Variants in REEP5 observed in about 807,000 individuals in gnomAD.
The protein encoded by REEP5 is receptor expression-enhancing protein 5.
REEP5 carries 24 observed loss-of-function variants against 22.4 expected under a neutral mutation model. The observed-to-expected ratio is 1.07, with a 90% confidence interval of 0.78 to 1.51. The LOEUF (loss-of-function observed/expected upper bound fraction) is 1.51, where lower values mean the gene tolerates loss of function less well. REEP5 is among the 40% of genes most tolerant of loss of function. The pLI is 0.00. For missense variants in REEP5, 252 were observed against 233.0 expected, an observed-to-expected ratio of 1.08 and a Z score of -0.53; for synonymous variants, 103 against 88.6, an observed-to-expected ratio of 1.16 and a Z score of -0.92.
intron 3 of REEP5, chr5:112,894,620 GCA>G: frequency 6.6e-6 from 1 of 152,312 alleles, no homozygotes; most frequent in East Asian, 1.9e-4. Context: ...ATGTATTCCT[GCA>G]CACAGAGCAA....
chr5:112,904,399 T>A (rs1293402813), intron 2 of REEP5, among the ~76,000 whole-genome samples: 1 of 152,174 alleles, frequency 6.6e-6, no homozygotes, highest in East Asian at 1.9e-4. Flanking sequence ...ATTATTAGTA[T>A]AATAAAAATT....
chr5:112,892,926 A>G (rs1234983800), intron 3 of REEP5: 6 of 1,605,156 alleles, frequency 3.7e-6, no homozygotes, highest in Admixed American at 3.4e-5. Context: ...CAAGCAGAGG[A>G]AGAAATAGGC....
Position 112,878,633 on chromosome 5 carries a change from A to T in REEP5, c.*153T>A. 8.9e-7 allele frequency: 1 copy of T among 1,127,236 alleles called. No homozygotes were observed. The highest frequency in any genetic ancestry group is 1.2e-6 in the Non-Finnish European group (1 of 801,846). 69.8% of individuals were successfully genotyped at this position (1,127,236 alleles called of 1,614,324 possible). On this transcript the variant is annotated 3_prime_UTR_variant, in exon 5 of 5. Coordinates refer to ENST00000379638, the MANE Select transcript of REEP5 (RefSeq NM_005669.5). The stretch of plus-strand genomic sequence containing the variant: ...CCCTATATATATAGACAGTAAAAGT[A>T]AGCAAAGAAACTTACAACACATTCC...
chr5:112,902,668 G>C (rs1260885996), intron 2 of REEP5, 150 bp from the exon 3 acceptor site: 8 of 635,272 alleles, frequency 1.3e-5, no homozygotes, highest in Non-Finnish European at 1.8e-5. Context: ...ACAGCTTAAA[G>C]ACTGGAAGCA....
chr5:112,890,057 C>T (rs1272778799), intron 3 of REEP5, among the ~76,000 whole-genome samples: 2 of 150,388 alleles, frequency 1.3e-5, no homozygotes, highest in Non-Finnish European at 2.9e-5. Context: ...GAACTCCTGA[C>T]CTCAAATGAT....
rs376375280 is a variant in REEP5 at position 112,902,379 on chromosome 5, C to T, written c.351+1G>A. ...TTTTAGTGGTAGCAAGACCAACATA[C>T]CTTCAGCATGTAGTAGAAGGGGAAC... is the stretch of plus-strand genomic sequence containing the variant. On this transcript the variant is annotated splice_donor_variant, in intron 3 of 4. Transcript: ENST00000379638. LOFTEE classifies it high-confidence loss of function. 3 of 1,607,240 alleles carry T rather than the reference C, an allele frequency of 1.9e-6. No homozygotes were observed. Among genetic ancestry groups the T allele is most frequent in the Non-Finnish European group, 2.5e-6 (3 of 1,177,716 alleles).
chr5:112,900,963 A>G (rs1201626426), intron 3 of REEP5, among the ~76,000 whole-genome samples: 1 of 151,294 alleles, frequency 6.6e-6, no homozygotes, highest in South Asian at 2.1e-4. Flanking sequence ...TCACCTCCTG[A>G]GTAGCTGGGA....
In REEP5 at chr5:112,913,477, G is replaced by A. The variant is rs1366795127; in HGVS notation, c.212+7686C>T. Among the ~76,000 whole-genome samples, 3 of 147,742 alleles carry A rather than the reference G, an allele frequency of 2.0e-5. No homozygotes were observed. The Admixed American group carries it at 2.1e-4, about 10-fold the overall frequency. ...AGCTAGAGCCTGGGAGGTCAAGGCT[G>A]CAGTGAGTCATGATTGCACCACTGC... is the stretch of plus-strand genomic sequence containing the variant. On this transcript the variant is annotated intron_variant, in intron 2 of 4. Coordinates refer to ENST00000379638, the MANE Select transcript of REEP5 (RefSeq NM_005669.5).
intron 4 of REEP5, among the ~76,000 whole-genome samples, chr5:112,886,723 C>A (rs1477038595): frequency 6.6e-6 from 1 of 152,194 alleles, no homozygotes; most frequent in Non-Finnish European, 1.5e-5. Context: ...AAGAGATGGA[C>A]TTGCATATCA....
chr5:112,895,863 A>G (rs539450170), intron 3 of REEP5: 5 of 152,304 alleles, frequency 3.3e-5, no homozygotes, highest in Middle Eastern at 3.4e-3. Context: ...GATACTCCCA[A>G]GGAGACTCAC....
chr5:112,897,436 C>T (rs567579950), intron 3 of REEP5: 1 of 151,780 alleles, frequency 6.6e-6, no homozygotes, highest in African/African-American at 2.4e-5. Flanking sequence ...TTTTATTCGC[C>T]AAAGTATCTC....
At chr5:112,913,395 AAGAAAGAAAAAAAGAAAAG>A (rs1769158052) in intron 2 of REEP5, among the ~76,000 whole-genome samples, 8 of 150,724 alleles carry the variant, frequency 5.3e-5, no homozygotes, top group African/African-American at 1.7e-4. Flanking sequence ...AAGAAAGAGA[AAGAAAGAAAAAAAGAAAAG>A]AAAAGAAAAA....
chr5:112,921,332 G>A (rs1431807599), intron 1 of REEP5, 76 bp from the exon 2 acceptor site: 3 of 1,380,494 alleles, frequency 2.2e-6, no homozygotes, highest in African/African-American at 1.4e-5. Flanking sequence ...CCCACACCGC[G>A]AGGCTGGGCC....
chr5:112,914,087 G>A (rs1171292983), intron 2 of REEP5, among the ~76,000 whole-genome samples: 1 of 151,204 alleles, frequency 6.6e-6, no homozygotes, highest in Non-Finnish European at 1.5e-5. Context: ...AGGCTGCAGT[G>A]AGCTGTGTTC....
At chr5:112,888,066 G>A (rs1768314621) in intron 3 of REEP5, among the ~76,000 whole-genome samples, 1 of 152,102 alleles carries the variant, frequency 6.6e-6, no homozygotes, top group South Asian at 2.1e-4. Flanking sequence ...CACAGCCTAG[G>A]TGACTCTACA....
Position 112,878,732 on chromosome 5 carries a change from T to A in REEP5, c.*54A>T. 1 of 1,606,116 alleles carries A rather than the reference T, an allele frequency of 6.2e-7. No individual in the cohort carries two copies. Among genetic ancestry groups the A allele is most frequent in the Non-Finnish European group, 8.5e-7 (1 of 1,177,550 alleles). Reference sequence around the variant, plus strand: ...TTATACCACAGTCCCTAATATAACATCAAGCTCCAGTAGGAAGGTACAGAG... The same window carrying A: ...TTATACCACAGTCCCTAATATAACAACAAGCTCCAGTAGGAAGGTACAGAG... On this transcript the variant is annotated 3_prime_UTR_variant, in exon 5 of 5. Transcript: ENST00000379638.
intron 3 of REEP5, chr5:112,897,063 T>A (rs952600403): frequency 6.6e-6 from 1 of 152,166 alleles, no homozygotes; most frequent in Non-Finnish European, 1.5e-5. Flanking sequence ...AGGTAAATTA[T>A]CAATAACATT....
Position 112,895,237 on chromosome 5 carries a change from C to CAAAAAAAAAAAAAAAAAAA in REEP5, c.351+7124_351+7142dup, listed in dbSNP as rs10684553. ...CTGGCGACAGAGCGAGACTCTGTCT[C>CAAAAAAAAAAAAAAAAAAA]AAAAAAAAAAAAAAAAAAAAATCAG... On this transcript the variant is annotated intron_variant, in intron 3 of 4. Coordinates refer to ENST00000379638, the MANE Select transcript of REEP5 (RefSeq NM_005669.5). 4.8e-4 allele frequency: 30 copies of CAAAAAAAAAAAAAAAAAAA among 62,212 alleles called. 2 individuals carry two copies. The highest frequency in any genetic ancestry group is 2.0e-3 in the African/African-American group (29 of 14,418). The allele number at this position is 62,212 out of a possible 1,614,324, so 3.9% of individuals were successfully genotyped here. A position where few individuals can be genotyped will look rare whatever the true frequency, so the allele number is the denominator to read the frequency against.
At chr5:112,915,318 T>G (rs1203787513) in intron 2 of REEP5, among the ~76,000 whole-genome samples, 1 of 152,234 alleles carries the variant, frequency 6.6e-6, no homozygotes, top group South Asian at 2.1e-4. Context: ...ATAAATAATT[T>G]AAATCATTCA....
Sources: gnomAD v4.1 joint callset for allele counts (sites outside exome capture counted in the v4.1 genomes callset) on GRCh38, gnomAD v4.1.1 for gene constraint, MANE v1.5 for transcripts, NCBI Gene and HGNC (gene_info 2026-07-23, HGNC 2026-07-21) for gene names.